Variants in SLIT3 observed in about 807,000 individuals in gnomAD.
SLIT3 encodes the protein slit homolog 3 protein.
In SLIT3, 68 loss-of-function variants were observed where a neutral mutation model predicts 184.0. That is an observed-to-expected ratio of 0.37 (90% CI 0.30 to 0.45). The LOEUF is 0.45. Ranked by LOEUF, SLIT3 falls within the 20% of genes least tolerant of loss-of-function variation. The pLI is 1.00. For synonymous variants in SLIT3, 831 were observed against 828.6 expected, an observed-to-expected ratio of 1.00 and a Z score of -0.05; for missense variants, 1,707 against 2,026.0, an observed-to-expected ratio of 0.84 and a Z score of 3.02.
chr5:169,293,766 T>C (rs1767422573), intron 1 of SLIT3, among the ~76,000 whole-genome samples: 1 of 152,162 alleles, frequency 6.6e-6, no homozygotes, highest in African/African-American at 2.4e-5. Context: ...CTTTGGCCAA[T>C]TTTTTTCCAG....
rs558330701 is a variant in SLIT3 at position 169,152,380 on chromosome 5, G to A, written c.413+41099C>T. 4.6e-5 allele frequency among the ~76,000 whole-genome samples: 7 copies of A among 152,312 alleles called. No individual in the cohort carries two copies. In the South Asian group the frequency reaches 1.2e-3, roughly 27 times the overall value. On this transcript the variant is annotated intron_variant, in intron 4 of 35. Coordinates refer to ENST00000519560, the MANE Select transcript of SLIT3 (RefSeq NM_003062.4). ...CCTGCTGATCCCTCAGCTTCTGCAGGTGTCCCGCGTGCATGCATCTCAGCA... is the reference window on the plus strand; with the variant it reads ...CCTGCTGATCCCTCAGCTTCTGCAGATGTCCCGCGTGCATGCATCTCAGCA...
At chr5:168,683,369 C>CAA (rs59868617) in intron 32 of SLIT3, among the ~76,000 whole-genome samples, 8,529 of 104,614 alleles carry the variant, frequency 0.082, 621 homozygotes, top group East Asian at 0.28. Context: ...AACTCCATCT[C>CAA]AAAAAAAAAA....
intron 4 of SLIT3, among the ~76,000 whole-genome samples, chr5:168,971,171 T>C (rs1754563630): frequency 6.6e-6 from 1 of 152,256 alleles, no homozygotes. Context: ...TATTAGCATA[T>C]TTCAAGTGTG....
chr5:168,693,801 A>G (rs1433882331), intron 28 of SLIT3, among the ~76,000 whole-genome samples: 1 of 152,126 alleles, frequency 6.6e-6, no homozygotes. Context: ...GCTGACCCCA[A>G]CCATGTCCTG....
chr5:168,666,887 C>G (rs1010402562), intron 35 of SLIT3, 198 bp from the exon 36 acceptor site: 20 of 813,560 alleles, frequency 2.5e-5, no homozygotes, highest in African/African-American at 1.9e-4. Context: ...GGCTCTCTGA[C>G]AGGCTTACAC....
chr5:168,945,740 TC>T (rs1376544801), intron 4 of SLIT3, among the ~76,000 whole-genome samples: 1 of 152,190 alleles, frequency 6.6e-6, no homozygotes, highest in African/African-American at 2.4e-5. Flanking sequence ...TGTTTCCTCC[TC>T]CCAACACGTG....
chr5:168,678,807 G>T (rs1343378130), intron 32 of SLIT3, among the ~76,000 whole-genome samples: 3 of 152,140 alleles, frequency 2.0e-5, no homozygotes, highest in African/African-American at 4.8e-5. Context: ...ACAACCTAAG[G>T]TTCACACTAA....
intron 1 of SLIT3, among the ~76,000 whole-genome samples, chr5:169,253,520 G>C (rs1186974807): frequency 2.0e-5 from 3 of 152,070 alleles, no homozygotes; most frequent in African/African-American, 4.8e-5. Context: ...TGATCTAATG[G>C]CAGTGCACTT....
Position 168,977,967 on chromosome 5 carries a change from C to A in SLIT3, c.414-94631G>T, listed in dbSNP as rs1754824542. Among the ~76,000 whole-genome samples the A allele has an allele frequency of 3.3e-5, 5 of 152,172 alleles. No individual in the cohort carries two copies. In the South Asian group the frequency reaches 1.0e-3, roughly 32 times the overall value. On this transcript the variant is annotated intron_variant, in intron 4 of 35. Coordinates refer to ENST00000519560, the MANE Select transcript of SLIT3 (RefSeq NM_003062.4). The stretch of plus-strand genomic sequence containing the variant: ...GGCAGGAGGTGAAGTGAAGGCATTC[C>A]TCTGTCCTCTCGCTCCCATTTCTAG...
intron 12 of SLIT3, among the ~76,000 whole-genome samples, chr5:168,783,621 A>G (rs1301732079): frequency 1.3e-5 from 2 of 152,232 alleles, no homozygotes; most frequent in Admixed American, 1.3e-4. Flanking sequence ...ACTCTGAGTC[A>G]AAGGAGAGAA....
chr5:168,791,043 C>CACCG (rs1181580598), intron 10 of SLIT3: 1 of 152,252 alleles, frequency 6.6e-6, no homozygotes, highest in African/African-American at 2.4e-5. Flanking sequence ...CGTCAGCTTA[C>CACCG]ACCGGGCTTT....
intron 7 of SLIT3, among the ~76,000 whole-genome samples, chr5:168,820,306 C>G (rs1300748124): frequency 6.6e-6 from 1 of 152,118 alleles, no homozygotes; most frequent in Non-Finnish European, 1.5e-5. Flanking sequence ...TGCTTTTGTT[C>G]CTGATGAATG....
intron 32 of SLIT3, among the ~76,000 whole-genome samples, chr5:168,679,999 A>C (rs1359916456): frequency 1.3e-5 from 2 of 152,216 alleles, no homozygotes; most frequent in Non-Finnish European, 2.9e-5. Flanking sequence ...CGGTGTTTTA[A>C]AATGGCCAAC....
Position 168,883,811 on chromosome 5 carries a change from C to T in SLIT3, c.414-475G>A, listed in dbSNP as rs537013989. 2.0e-3 allele frequency among the ~76,000 whole-genome samples: 300 copies of T among 152,238 alleles called. 1 individual carries two copies. The highest frequency in any genetic ancestry group is 6.7e-3 in the African/African-American group (279 of 41,538). On this transcript the variant is annotated intron_variant, in intron 4 of 35. Transcript: ENST00000519560. ...TCACAGGGGATTGGAACAGAGCCTG[C>T]CCATTCTGATTTTCTGATGGGGGAT...
chr5:169,178,357 C>T (rs185006620), intron 4 of SLIT3, among the ~76,000 whole-genome samples: 1 of 152,316 alleles, frequency 6.6e-6, no homozygotes, highest in East Asian at 1.9e-4. Context: ...CTCAGTTTCT[C>T]CAATTGTAAA....
At chr5:169,022,974 A>T (rs1311468722) in intron 4 of SLIT3, 1 of 152,172 alleles carries the variant, frequency 6.6e-6, no homozygotes, top group East Asian at 1.9e-4. Context: ...TCACCATTTC[A>T]CTAAGAGTCC....
At chr5:169,158,235 T>C (rs775175683) in intron 4 of SLIT3, among the ~76,000 whole-genome samples, 1 of 152,156 alleles carries the variant, frequency 6.6e-6, no homozygotes, top group Non-Finnish European at 1.5e-5. Flanking sequence ...AACAATACTT[T>C]ACTGACTTAC....
intron 4 of SLIT3, among the ~76,000 whole-genome samples, chr5:169,139,940 A>T (rs527385328): frequency 6.6e-6 from 1 of 152,130 alleles, no homozygotes; most frequent in African/African-American, 2.4e-5. Flanking sequence ...CAGCTCAGAC[A>T]CTGTAAGTGC....
At chr5:169,064,450 C>CA (rs1758281110) in intron 4 of SLIT3, among the ~76,000 whole-genome samples, 1 of 152,214 alleles carries the variant, frequency 6.6e-6, no homozygotes, top group Non-Finnish European at 1.5e-5. Flanking sequence ...TTGCCACTCA[C>CA]AAGACCCAGC....
Sources: gnomAD v4.1 joint callset for allele counts (sites outside exome capture counted in the v4.1 genomes callset) on GRCh38, gnomAD v4.1.1 for gene constraint, MANE v1.5 for transcripts, NCBI Gene and HGNC (gene_info 2026-07-23, HGNC 2026-07-21) for gene names.